CD36: variants seen among roughly 807,000 people sequenced by gnomAD.
CD36 encodes CD36 molecule (CD36 blood group), also known as platelet glycoprotein 4.
CD36 carries 119 observed loss-of-function variants against 55.2 expected under a neutral mutation model. The ratio of observed to expected loss-of-function variants is 2.15; its 90% CI spans 1.86 to 2.51. The LOEUF (loss-of-function observed/expected upper bound fraction) is 2.51, where lower values mean the gene tolerates loss of function less well. Among genes scored for constraint, CD36 ranks in the 30% most tolerant of loss-of-function variants. CD36 has a pLI of 0.00. For synonymous variants in CD36, 186 were observed against 193.6 expected (o/e 0.96, Z 0.33); for missense variants, 819 against 555.5 (o/e 1.47, Z -4.77).
intron 7 of CD36, chr7:80,666,136 A>AT: frequency 3.0e-6 from 1 of 330,698 alleles, no homozygotes. Flanking sequence ...AAAAAAAAAA[A>AT]TTTCCCCTAA....
At chr7:80,605,937 T>C (rs1447469847) in intron 1 of CD36, among the ~76,000 whole-genome samples, 2 of 152,098 alleles carry the variant, frequency 1.3e-5, no homozygotes, top group Non-Finnish European at 2.9e-5. Context: ...ACCTTTGCTA[T>C]TGCCTAGAGT....
At chr7:80,676,225 T>G (rs1161110090) in intron 14 of CD36, 159 bp from the exon 15 acceptor site, 1 of 152,170 alleles carries the variant, frequency 6.6e-6, no homozygotes, top group East Asian at 1.9e-4. Context: ...ATCTTTTAGT[T>G]GAAGAAATGG....
intron 8 of CD36, 33 bp from the exon 9 acceptor site, chr7:80,669,920 C>T (rs1178209475): frequency 2.0e-6 from 3 of 1,491,572 alleles, no homozygotes; most frequent in South Asian, 1.1e-5. Context: ...ACACACATTA[C>T]ATCTAATCAT....
chr7:80,676,813 T>C lies in CD36; in HGVS notation c.*430T>C, dbSNP rs1247859723. ...GGAAATTGAGTAAATTTTGCTTTTT[T>C]TTTTTTACTCAGTTGCAACTTACGC... is the stretch of plus-strand genomic sequence containing the variant. On this transcript the variant is annotated 3_prime_UTR_variant, in exon 15 of 15. Coordinates refer to ENST00000447544, the MANE Select transcript of CD36 (RefSeq NM_001001548.3). 2 of 152,130 alleles carry C rather than the reference T, an allele frequency of 1.3e-5. No homozygotes were observed. The highest frequency in any genetic ancestry group is 2.1e-4 in the South Asian group (1 of 4,832). 9.4% of individuals were successfully genotyped at this position (152,130 alleles called of 1,614,324 possible).
At chr7:80,675,929 A>G (rs1296955822) in intron 14 of CD36, among the ~76,000 whole-genome samples, 1 of 150,396 alleles carries the variant, frequency 6.6e-6, no homozygotes, top group African/African-American at 2.4e-5. Context: ...GATGCACTTC[A>G]GCTACCGTTC....
Position 80,676,837 on chromosome 7 carries a change from G to A in CD36, c.*454G>A, listed in dbSNP as rs767555927. The A allele has an allele frequency of 5.9e-5, 9 of 151,516 alleles. No individual in the cohort carries two copies. Among genetic ancestry groups the A allele is most frequent in the African/African-American group, 9.7e-5 (4 of 41,244 alleles). 9.4% of individuals were successfully genotyped at this position (151,516 alleles called of 1,614,324 possible). ...TTTTTTTTACTCAGTTGCAACTTAC[G>A]CTTGGCATCTTCAGAATGCTTTTCT... On this transcript the variant is annotated 3_prime_UTR_variant, in exon 15 of 15. Coordinates refer to ENST00000447544, the MANE Select transcript of CD36 (RefSeq NM_001001548.3).
chr7:80,631,953 T>A (rs1054264393), intron 1 of CD36, among the ~76,000 whole-genome samples: 1 of 151,958 alleles, frequency 6.6e-6, no homozygotes, highest in Non-Finnish European at 1.5e-5. Context: ...ATTCTATAGA[T>A]GCTTAGAAAT....
chr7:80,626,878 C>T (rs189117578), intron 1 of CD36, among the ~76,000 whole-genome samples: 6 of 152,118 alleles, frequency 3.9e-5, no homozygotes, highest in East Asian at 1.9e-4. Flanking sequence ...TACATGCTAA[C>T]GAGTTCTATT....
chr7:80,602,223 T>A (rs1199718470), exon 1 of CD36: 1 of 152,136 alleles, frequency 6.6e-6, no homozygotes. Flanking sequence ...CAGGATAACC[T>A]TAAGGATAGA....
In CD36 at chr7:80,672,187, T is replaced by G. The variant is rs1797754658; in HGVS notation, c.1125+147T>G. The G allele has an allele frequency of 4.5e-6, 3 of 664,876 alleles. No homozygotes were observed. In the South Asian group the frequency reaches 5.9e-5, roughly 13 times the overall value. 41.2% of individuals were successfully genotyped at this position (664,876 alleles called of 1,614,324 possible). On this transcript the variant is annotated intron_variant, in intron 11 of 14. Coordinates refer to ENST00000447544, the MANE Select transcript of CD36 (RefSeq NM_001001548.3). ...GAAAGTTACTGAAACTTAGGTCGAT[T>G]TCTTCCTATGGTTTATGAAGTGATT...
rs543434282 is a variant in CD36 at position 80,631,046 on chromosome 7, A to G, written c.-183-15042A>G. Among the ~76,000 whole-genome samples the G allele has an allele frequency of 2.0e-5, 3 of 151,992 alleles. No individual in the cohort carries two copies. In the East Asian group the frequency reaches 5.8e-4, roughly 29 times the overall value. On this transcript the variant is annotated intron_variant, in intron 1 of 13. Transcript: ENST00000309881. ...CTTGGGCTCCAAAAACCAACAAAAC[A>G]TCGTGTCCGAGAAGTCTCTGAGGAT...
At chr7:80,647,013 T>C in intron 3 of CD36, 153 bp downstream of exon 3, 2 of 753,552 alleles carry the variant, frequency 2.7e-6, no homozygotes, top group Non-Finnish European at 4.5e-6. Context: ...CTCTATATGA[T>C]GCGACTTTAT....
At chr7:80,613,286 T>G (rs1210793353) in intron 1 of CD36, among the ~76,000 whole-genome samples, 1 of 152,082 alleles carries the variant, frequency 6.6e-6, no homozygotes, top group African/African-American at 2.4e-5. Flanking sequence ...AGTTTCTCTA[T>G]TTTTTCTTTT....
At chr7:80,674,454 T>TATATATTATCTG in intron 14 of CD36, 1 of 308,740 alleles carries the variant, frequency 3.2e-6, no homozygotes, top group African/African-American at 2.2e-5. Flanking sequence ...TATAGCTAGT[T>TATATATTATCTG]ATATATTATC....
chr7:80,663,312 C>T (rs1180416511), intron 6 of CD36, 143 bp downstream of exon 6: 6 of 713,838 alleles, frequency 8.4e-6, no homozygotes, highest in Non-Finnish European at 1.5e-5. Context: ...AAAAAGTCCA[C>T]TTCTCATTAT....
intron 1 of CD36, among the ~76,000 whole-genome samples, chr7:80,618,061 G>T (rs967502823): frequency 6.6e-6 from 1 of 151,590 alleles, no homozygotes; most frequent in African/African-American, 2.4e-5. Flanking sequence ...AATGCTTTTG[G>T]TTTTTTTTAC....
chr7:80,667,750 T>G (rs539264758), intron 8 of CD36, among the ~76,000 whole-genome samples: 2 of 108,272 alleles, frequency 1.8e-5, no homozygotes, highest in East Asian at 6.1e-4. Flanking sequence ...TTCTTTTGTT[T>G]TTTTTTTTTT....
chr7:80,674,174 T>A, intron 14 of CD36, 27 bp downstream of exon 14: 1 of 1,490,200 alleles, frequency 6.7e-7, no homozygotes, highest in Middle Eastern at 1.7e-4. Context: ...AAATATTGCT[T>A]CAATAATATT....
intron 3 of CD36, among the ~76,000 whole-genome samples, chr7:80,648,149 T>C (rs1795311767): frequency 6.6e-6 from 1 of 152,082 alleles, no homozygotes; most frequent in Non-Finnish European, 1.5e-5. Context: ...GTATTTTTAA[T>C]ACAGGCCAAT....
Sources: allele counts gnomAD v4.1 joint callset (sites outside exome capture counted in the v4.1 genomes callset), GRCh38; gene constraint gnomAD v4.1.1; transcripts MANE v1.5; gene names NCBI Gene and HGNC (gene_info 2026-07-23, HGNC 2026-07-21).